METAP2: variants seen among roughly 807,000 people sequenced by gnomAD.
METAP2 encodes methionyl aminopeptidase 2, also known as methionine aminopeptidase 2.
In METAP2, 25 loss-of-function variants were observed where a neutral mutation model predicts 59.4. The observed-to-expected ratio is 0.42, with a 90% confidence interval of 0.31 to 0.59. The LOEUF is 0.59. METAP2 is among the 20% of genes least tolerant of loss of function. The probability of loss-of-function intolerance (pLI) is 0.16; values close to 1 mark genes in which losing one functional copy is unlikely to be tolerated. For synonymous variants in METAP2, 214 were observed against 194.1 expected, an observed-to-expected ratio of 1.10 and a Z score of -0.85; for missense variants, 366 against 581.2, an observed-to-expected ratio of 0.63 and a Z score of 3.81.
At chr12:95,474,419 C>A in intron 1 of METAP2, 89 bp downstream of exon 1, 1 of 1,432,088 alleles carries the variant, frequency 7.0e-7, no homozygotes, top group Non-Finnish European at 9.5e-7. Context: ...GACCGGGGCC[C>A]CAGAGCCCCG....
At chr12:95,509,813 T>C (rs1055352978) in intron 8 of METAP2, among the ~76,000 whole-genome samples, 9 of 151,650 alleles carry the variant, frequency 5.9e-5, no homozygotes, top group East Asian at 1.9e-4. Flanking sequence ...TCTAGAGTTA[T>C]AGAGTTAAAT....
At position 95,513,536 on chromosome 12, in the gene METAP2, T is replaced by C. The variant is rs2076420928; in HGVS notation, c.1185-116T>C. The stretch of plus-strand genomic sequence containing the variant: ...CTTTTGATTGTTGAAAGAGCAACAA[T>C]AAAAGTTTTTGGACTTCAACTACTA... On this transcript the variant is annotated intron_variant, in intron 10 of 10. Transcript: ENST00000323666. 4.2e-6 allele frequency: 5 copies of C among 1,181,552 alleles called. No individual in the cohort carries two copies. The East Asian group carries it at 1.2e-4, about 28-fold the overall frequency. The allele number at this position is 1,181,552 out of a possible 1,614,324, so 73.2% of individuals were successfully genotyped here.
intron 4 of METAP2, among the ~76,000 whole-genome samples, chr12:95,487,432 G>T (rs943239110): frequency 5.3e-5 from 8 of 152,076 alleles, no homozygotes; most frequent in African/African-American, 1.9e-4. Flanking sequence ...TTCTGGAATT[G>T]TATGACATGG....
At chr12:95,486,478 T>A (rs941335156) in intron 4 of METAP2, among the ~76,000 whole-genome samples, 8 of 152,056 alleles carry the variant, frequency 5.3e-5, no homozygotes, top group African/African-American at 1.9e-4. Flanking sequence ...TTAGTTTTCA[T>A]GGAAACAGTT....
At position 95,484,702 on chromosome 12, in the gene METAP2, T is replaced by C. The variant is rs764020180; in HGVS notation, c.326-1177T>C. On this transcript the variant is annotated intron_variant, in intron 3 of 10. Transcript: ENST00000323666. ...ATGTACTGTTCATTATATTTCTTTA[T>C]GAGGTACTCTTTTTTTTTTCTGCTT... 95 of 360,724 alleles carry C rather than the reference T, an allele frequency of 2.6e-4. 1 individual carries two copies. The highest frequency in any genetic ancestry group is 4.6e-4 in the Middle Eastern group (1 of 2,168). The allele number at this position is 360,724 out of a possible 1,614,324, so 22.3% of individuals were successfully genotyped here.
intron 7 of METAP2, among the ~76,000 whole-genome samples, 170 bp from the exon 8 acceptor site, chr12:95,503,895 G>C (rs1033967231): frequency 1.3e-5 from 2 of 152,168 alleles, no homozygotes; most frequent in African/African-American, 4.8e-5. Context: ...GATTCCTGGT[G>C]CTTAATACTT....
chr12:95,502,196 G>A (rs1038024148), intron 7 of METAP2, among the ~76,000 whole-genome samples: 2 of 151,940 alleles, frequency 1.3e-5, no homozygotes, highest in East Asian at 1.9e-4. Context: ...GTAGAGATGG[G>A]GGTCTCACTT....
At chr12:95,513,415 C>T (rs116233476) in intron 10 of METAP2, among the ~76,000 whole-genome samples, 105 of 152,308 alleles carry the variant, frequency 6.9e-4, no homozygotes, top group African/African-American at 1.8e-3. Flanking sequence ...CGCACACGCG[C>T]GCGCACGTAG....
chr12:95,510,829 C>T (rs1010485178), intron 8 of METAP2, among the ~76,000 whole-genome samples: 19 of 152,158 alleles, frequency 1.2e-4, no homozygotes, highest in African/African-American at 4.6e-4. Context: ...TATGTCTTTA[C>T]TACCTAATTA....
In METAP2 at chr12:95,483,473, C is replaced by G. The variant is rs199779973; in HGVS notation, c.325+193C>G. 66 of 102,994 alleles carry G rather than the reference C, an allele frequency of 6.4e-4. 2 individuals carry two copies. The East Asian group carries it at 0.013, about 20-fold the overall frequency. The allele number at this position is 102,994 out of a possible 1,614,324, so 6.4% of individuals were successfully genotyped here. On this transcript the variant is annotated intron_variant, in intron 3 of 10. Transcript: ENST00000323666. ...CCTGGGCAACAGAGTGAGACTCTGT[C>G]TCAAAAAAAAAAAAAAAAAAAAAAA...
intron 4 of METAP2, among the ~76,000 whole-genome samples, chr12:95,491,082 C>G (rs1422963858): frequency 1.5e-5 from 2 of 134,470 alleles, no homozygotes; most frequent in East Asian, 4.4e-4. Context: ...ACAGCCAACT[C>G]TTTTTTTTTT....
rs200671873 is a variant in METAP2 at position 95,513,799 on chromosome 12, T to C, written c.1332T>C (p.Tyr444=). 11 of 1,614,222 alleles carry C rather than the reference T, an allele frequency of 6.8e-6. No individual in the cohort carries two copies. Among genetic ancestry groups the C allele is most frequent in the Non-Finnish European group, 9.3e-6 (11 of 1,180,028 alleles). Residue 444 remains tyrosine (Y), a synonymous_variant, in exon 11 of 11, where the codon TAT becomes TAC. Transcript: ENST00000323666. ...NLCDLGIVDP[Y]PPLCDIKGSY... is the part of the protein sequence containing the mutation. ...GTGACTTGGGCATTGTAGATCCATA[T>C]CCACCATTATGTGACATTAAAGGAT... is the stretch of plus-strand genomic sequence containing the variant.
intron 2 of METAP2, among the ~76,000 whole-genome samples, chr12:95,479,613 CTTTT>C (rs58065707): frequency 7.0e-6 from 1 of 143,148 alleles, no homozygotes; most frequent in Non-Finnish European, 1.5e-5. Flanking sequence ...AGTCACCACT[CTTTT>C]TTTTTTTTTT....
rs531097258 is a variant in METAP2, at chr12:95,474,424, G to A, written c.151+94G>A. On this transcript the variant is annotated intron_variant, in intron 1 of 10. Transcript: ENST00000323666. ...AGGGGGCCGGGACCGGGGCCCCAGA[G>A]CCCCGACTAGACTGATTCTTGGGCC... The A allele has an allele frequency of 5.9e-6, 8 of 1,360,592 alleles. No homozygotes were observed. The East Asian group carries it at 1.4e-4, about 24-fold the overall frequency. The allele number at this position is 1,360,592 out of a possible 1,614,324, so 84.3% of individuals were successfully genotyped here. A position where few individuals can be genotyped will look rare whatever the true frequency, so the allele number is the denominator to read the frequency against.
At chr12:95,490,039 G>A (rs1211713198) in intron 4 of METAP2, among the ~76,000 whole-genome samples, 1 of 151,742 alleles carries the variant, frequency 6.6e-6, no homozygotes, top group African/African-American at 2.4e-5. Flanking sequence ...CTCCTTGGAA[G>A]ACAGATATAA....
chr12:95,483,654 A>AT (rs929802989), intron 3 of METAP2, among the ~76,000 whole-genome samples: 7 of 152,036 alleles, frequency 4.6e-5, no homozygotes, highest in Non-Finnish European at 1.0e-4. Context: ...ACAATCCTTT[A>AT]TTTTCTTTAG....
intron 4 of METAP2, among the ~76,000 whole-genome samples, chr12:95,489,707 G>A (rs567652856): frequency 6.6e-5 from 10 of 152,184 alleles, no homozygotes; most frequent in South Asian, 4.1e-4. Context: ...GCATGGTGGC[G>A]CATGCCTGTA....
intron 4 of METAP2, among the ~76,000 whole-genome samples, chr12:95,492,915 T>A (rs1164596746): frequency 6.6e-6 from 1 of 152,288 alleles, no homozygotes; most frequent in Admixed American, 6.5e-5. Flanking sequence ...CATTGTAGCA[T>A]GAAAATAGCT....
chr12:95,503,738 G>C (rs2076334339), intron 7 of METAP2, among the ~76,000 whole-genome samples: 1 of 152,190 alleles, frequency 6.6e-6, no homozygotes, highest in African/African-American at 2.4e-5. Flanking sequence ...CTGCTACTGT[G>C]CTGAGAGCTA....
Sources: allele counts gnomAD v4.1 joint callset (sites outside exome capture counted in the v4.1 genomes callset), GRCh38; gene constraint gnomAD v4.1.1; transcripts MANE v1.5; gene names NCBI Gene and HGNC (gene_info 2026-07-23, HGNC 2026-07-21).